Variants in STARD6 observed in about 807,000 individuals in gnomAD.
STARD6 encodes StAR related lipid transfer domain containing 6.
STARD6 carries 21 observed loss-of-function variants against 22.3 expected under a neutral mutation model. The observed-to-expected ratio is 0.94, with a 90% CI of 0.67 to 1.35. The LOEUF (loss-of-function observed/expected upper bound fraction) is 1.35, where lower values mean the gene tolerates loss of function less well. STARD6 is among the 40% of genes most tolerant of loss of function. The probability of loss-of-function intolerance (pLI) is 0.00; values close to 1 mark genes in which losing one functional copy is unlikely to be tolerated. For missense variants in STARD6, 269 were observed against 266.9 expected (o/e 1.01, Z -0.05); for synonymous variants, 80 against 88.1 (o/e 0.91, Z 0.52).
intron 4 of STARD6, among the ~76,000 whole-genome samples, chr18:54,342,723 G>A (rs9635966): frequency 8.4e-5 from 7 of 82,970 alleles, no homozygotes; most frequent in African/African-American, 3.5e-4. Flanking sequence ...TCGGCCTCCC[G>A]AGGTGCCGGG....
intron 7 of STARD6, among the ~76,000 whole-genome samples, chr18:54,328,316 G>A (rs547358198): frequency 8.3e-4 from 127 of 152,312 alleles, no homozygotes; most frequent in African/African-American, 3.0e-3. Context: ...GGTGCAAGAA[G>A]GGGACTTGGC....
At chr18:54,335,691 A>G (rs116164496) in intron 5 of STARD6, among the ~76,000 whole-genome samples, 3,181 of 152,152 alleles carry the variant, frequency 0.021, 73 homozygotes, top group South Asian at 0.066. Context: ...AGACTTCCCA[A>G]TTGCTGTTCT....
intron 4 of STARD6, among the ~76,000 whole-genome samples, chr18:54,346,652 C>G (rs1293441001): frequency 2.6e-5 from 4 of 151,890 alleles, no homozygotes; most frequent in Non-Finnish European, 5.9e-5. Flanking sequence ...AAGATAGAAA[C>G]TAAGTATATA....
chr18:54,339,520 G>A (rs1477955266), intron 4 of STARD6, among the ~76,000 whole-genome samples: 1 of 149,208 alleles, frequency 6.7e-6, no homozygotes. Flanking sequence ...ACCATAATAA[G>A]ACTGACAGCT....
At chr18:54,329,592 C>G (rs1568166230) in intron 6 of STARD6, 152 bp from the exon 7 acceptor site, 4 of 557,904 alleles carry the variant, frequency 7.2e-6, no homozygotes, top group Non-Finnish European at 8.9e-6. Flanking sequence ...ACATGTGAAG[C>G]CAAAATTGAG....
chr18:54,326,946 G>A (rs936586010), intron 7 of STARD6, among the ~76,000 whole-genome samples: 7 of 152,056 alleles, frequency 4.6e-5, no homozygotes. Context: ...GAGTGTAATG[G>A]TTAAAAGCGT....
intron 7 of STARD6, among the ~76,000 whole-genome samples, chr18:54,327,211 G>T (rs2088831478): frequency 6.6e-6 from 1 of 152,032 alleles, no homozygotes; most frequent in Non-Finnish European, 1.5e-5. Flanking sequence ...ATAACAGTTT[G>T]CATTATGTTT....
Position 54,337,167 on chromosome 18 carries a change from A to C in STARD6, c.225T>G (p.Asp75Glu). 6.2e-7 allele frequency: 1 copy of C among 1,613,530 alleles called. No homozygotes were observed. Among genetic ancestry groups the C allele is most frequent in the Non-Finnish European group, 8.5e-7 (1 of 1,179,666 alleles). ...CCATATTATACACTTGCAATGATTT[A>C]TCCCATGTAATTCTGTCTCCAGTTT... ...LYQTGDRITW[D>E]KSLQVYNMVH... The change falls in exon 5 of 8, where the codon GAT (aspartate) becomes GAG (glutamate). Residue 75 changes from aspartate to glutamate, a missense_variant. Transcript: ENST00000307844.
intron 4 of STARD6, among the ~76,000 whole-genome samples, chr18:54,352,655 T>C (rs749953215): frequency 4.6e-5 from 7 of 152,206 alleles, no homozygotes; most frequent in Non-Finnish European, 4.4e-5. Flanking sequence ...ATACAGTGCA[T>C]ATAAATTTCA....
At chr18:54,344,590 A>AT (rs2089017543) in intron 4 of STARD6, among the ~76,000 whole-genome samples, 1 of 147,576 alleles carries the variant, frequency 6.8e-6, no homozygotes, top group Non-Finnish European at 1.5e-5. Flanking sequence ...AATTAAAAAA[A>AT]AAAAAAAAAA....
intron 4 of STARD6, among the ~76,000 whole-genome samples, chr18:54,343,339 G>A (rs2088996671): frequency 1.4e-5 from 2 of 143,486 alleles, no homozygotes; most frequent in South Asian, 2.3e-4. Context: ...GAGCATCTCC[G>A]CCCGGCAGCC....
At chr18:54,349,504 G>A (rs896028639) in intron 4 of STARD6, among the ~76,000 whole-genome samples, 3 of 152,112 alleles carry the variant, frequency 2.0e-5, no homozygotes, top group Non-Finnish European at 4.4e-5. Context: ...ACGATAAAAT[G>A]TTTGGACTTA....
intron 5 of STARD6, among the ~76,000 whole-genome samples, chr18:54,335,669 C>T (rs1203514528): frequency 6.6e-6 from 1 of 152,206 alleles, no homozygotes; most frequent in Middle Eastern, 3.4e-3. Context: ...CCTGGTGATT[C>T]GATCATGGGG....
intron 3 of STARD6, 113 bp from the exon 4 acceptor site, chr18:54,354,216 ATAT>A (rs751453871): frequency 1.5e-6 from 1 of 664,956 alleles, no homozygotes; most frequent in Non-Finnish European, 2.5e-6. Flanking sequence ...AAAGAAAAAA[ATAT>A]ATATATATAT....
intron 6 of STARD6, 143 bp from the exon 7 acceptor site, chr18:54,329,583 CAT>C (rs753464663): frequency 6.8e-4 from 391 of 577,732 alleles, no homozygotes; most frequent in Non-Finnish European, 1.0e-3. Flanking sequence ...TGTATTTGCA[CAT>C]GTGAAGCCAA....
chr18:54,327,936 A>G (rs1461845047), intron 7 of STARD6, among the ~76,000 whole-genome samples: 1 of 151,932 alleles, frequency 6.6e-6, no homozygotes, highest in Admixed American at 6.6e-5. Context: ...AAAATTCATA[A>G]GCTTTTAATT....
At chr18:54,332,574 C>G (rs1240560920) in intron 5 of STARD6, among the ~76,000 whole-genome samples, 1 of 152,238 alleles carries the variant, frequency 6.6e-6, no homozygotes, top group African/African-American at 2.4e-5. Flanking sequence ...TCACCCTGTT[C>G]CCATGTTGCC....
chr18:54,330,229 G>C (rs1482739342), intron 6 of STARD6, among the ~76,000 whole-genome samples: 1 of 151,980 alleles, frequency 6.6e-6, no homozygotes, highest in Non-Finnish European at 1.5e-5. Context: ...ACACTAAGGA[G>C]ACTAGAGTTG....
At chr18:54,332,834 G>A (rs968750144) in intron 5 of STARD6, among the ~76,000 whole-genome samples, 2 of 152,162 alleles carry the variant, frequency 1.3e-5, no homozygotes, top group Non-Finnish European at 2.9e-5. Flanking sequence ...GAGCCCAAGA[G>A]TTTGAGGCTA....
Sources: gnomAD v4.1 joint callset for allele counts (sites outside exome capture counted in the v4.1 genomes callset) on GRCh38, gnomAD v4.1.1 for gene constraint, MANE v1.5 for transcripts, NCBI Gene and HGNC (gene_info 2026-07-23, HGNC 2026-07-21) for gene names.